CDKL5: variants seen among roughly 807,000 people sequenced by gnomAD.
The protein encoded by CDKL5 is cyclin dependent kinase like 5.
Under a neutral mutation model 61.7 loss-of-function variants are expected in CDKL5, and 8 were observed. The ratio of observed to expected loss-of-function variants is 0.13; its 90% CI spans 0.08 to 0.23. The LOEUF (loss-of-function observed/expected upper bound fraction) is 0.23, where lower values mean the gene tolerates loss of function less well. Ranked by LOEUF, CDKL5 falls within the 10% of genes least tolerant of loss-of-function variation. The pLI, the probability that CDKL5 is intolerant of heterozygous loss-of-function variation, is 1.00. For synonymous variants in CDKL5, 275 were observed against 272.3 expected, an observed-to-expected ratio of 1.01 and a Z score of -0.10; for missense variants, 440 against 734.5, an observed-to-expected ratio of 0.60 and a Z score of 4.63.
intron 1 of CDKL5, among the ~76,000 whole-genome samples, chrX:18,459,942 G>A (rs1027738139): frequency 1.9e-5 from 2 of 106,685 alleles, no homozygotes; most frequent in East Asian, 3.0e-4. Flanking sequence ...GCACGATCTC[G>A]GCTCACTGCA....
In CDKL5 at chrX:18,639,266, A is replaced by G. The variant is rs973287854; in HGVS notation, c.*10509A>G. ...AAAGATCCACAGAATGGGAGAAAAT[A>G]TTTGCAAATCATATCCAATAAGGGA... On this transcript the variant is annotated 3_prime_UTR_variant, in exon 18 of 18. Transcript: ENST00000623535. Among the ~76,000 whole-genome samples the G allele has an allele frequency of 8.9e-6, 1 of 112,552 alleles. No individual in the cohort carries two copies. The highest frequency in any genetic ancestry group is 3.6e-4 in the South Asian group (1 of 2,747).
chrX:18,597,117 A>G (rs1336321251), intron 10 of CDKL5, among the ~76,000 whole-genome samples: 1 of 110,383 alleles, frequency 9.1e-6, no homozygotes, highest in Non-Finnish European at 1.9e-5. Flanking sequence ...TCCAGGCTTT[A>G]TGCCACCCCA....
intron 4 of CDKL5, among the ~76,000 whole-genome samples, chrX:18,573,857 GCTTTTAT>G (rs896750776): frequency 8.9e-6 from 1 of 111,862 alleles, no homozygotes; most frequent in African/African-American, 3.3e-5. Flanking sequence ...CAAAGCCCTT[GCTTTTAT>G]GTCATTCCCT....
intron 3 of CDKL5, among the ~76,000 whole-genome samples, chrX:18,544,574 C>G (rs924122056): frequency 2.7e-5 from 3 of 111,704 alleles, no homozygotes; most frequent in Non-Finnish European, 5.6e-5. Context: ...GGTGGTAGAG[C>G]CAGGATTCAA....
intron 10 of CDKL5, among the ~76,000 whole-genome samples, chrX:18,597,738 G>A (rs1186736661): frequency 1.9e-5 from 2 of 107,662 alleles, no homozygotes; most frequent in East Asian, 2.9e-4. Flanking sequence ...CTGGGATTAC[G>A]GGCATGAGCC....
chrX:18,501,098 C>A (rs1922364933), intron 1 of CDKL5, among the ~76,000 whole-genome samples: 2 of 111,350 alleles, frequency 1.8e-5, no homozygotes, highest in Non-Finnish European at 3.8e-5. Context: ...GCCTCAGCCT[C>A]CCAAAGTGCT....
At chrX:18,461,621 T>C (rs1385493605) in intron 1 of CDKL5, among the ~76,000 whole-genome samples, 18 of 112,184 alleles carry the variant, frequency 1.6e-4, no homozygotes. Context: ...TGGGAATGAG[T>C]GTACTTTGCC....
intron 16 of CDKL5, among the ~76,000 whole-genome samples, chrX:18,623,233 T>C (rs189774645): frequency 8.9e-6 from 1 of 112,101 alleles, no homozygotes; most frequent in Admixed American, 9.5e-5. Context: ...CATTTAAATA[T>C]TGAAATTTCT....
Position 18,633,621 on chromosome X carries a change from C to T in CDKL5, c.*4864C>T, listed in dbSNP as rs1363536877. 1.3e-6 allele frequency: 1 copy of T among 753,348 alleles called. No homozygotes were observed. Among genetic ancestry groups the T allele is most frequent in the Non-Finnish European group, 1.6e-6 (1 of 639,174 alleles). The allele number at this position is 753,348 out of a possible 1,213,427, so 62.1% of individuals were successfully genotyped here. A position where few individuals can be genotyped will look rare whatever the true frequency, so the allele number is the denominator to read the frequency against. ...GAAACCATACAAGAAAAAGAAGTCCCTCATCTATCTGCATACACGCAATGT... is the reference window on the plus strand; with the variant it reads ...GAAACCATACAAGAAAAAGAAGTCCTTCATCTATCTGCATACACGCAATGT... On this transcript the variant is annotated 3_prime_UTR_variant, in exon 18 of 18. Coordinates refer to ENST00000623535, the MANE Select transcript of CDKL5 (RefSeq NM_001323289.2).
intron 1 of CDKL5, among the ~76,000 whole-genome samples, chrX:18,497,782 C>G (rs756763611): frequency 1.0e-4 from 11 of 109,686 alleles, no homozygotes; most frequent in Admixed American, 5.9e-4. Context: ...GTTGTGTTGT[C>G]TTGTCTAGCC....
chrX:18,576,907 A>T (rs1925317476), intron 5 of CDKL5, among the ~76,000 whole-genome samples: 1 of 107,351 alleles, frequency 9.3e-6, no homozygotes, highest in African/African-American at 3.4e-5. Flanking sequence ...CTTTTTAGAG[A>T]TGGTGTCTCA....
At chrX:18,646,211 GCA>G in intron 20 of CDKL5, 1 of 1,077,925 alleles carries the variant, frequency 9.3e-7, no homozygotes, top group Non-Finnish European at 1.3e-6. Context: ...GTGTGCAGTG[GCA>G]CACAATCTCG....
chrX:18,584,469 A>T, intron 8 of CDKL5, 116 bp downstream of exon 8: 1 of 536,850 alleles, frequency 1.9e-6, no homozygotes, highest in South Asian at 2.6e-5. Context: ...TGTCAGTTAC[A>T]TATTGCAGTA....
chrX:18,437,084 G>C (rs111293379), intron 1 of CDKL5, among the ~76,000 whole-genome samples: 1,218 of 110,137 alleles, frequency 0.011, 6 homozygotes, highest in Non-Finnish European at 0.019. Context: ...TTAAGGAGGG[G>C]TGTGACATGA....
chrX:18,598,640 A>G (rs1926086525), intron 11 of CDKL5, 27 bp downstream of exon 11: 1 of 1,183,871 alleles, frequency 8.4e-7, no homozygotes, highest in South Asian at 1.8e-5. Context: ...AAGGAAATAC[A>G]GATGCAGTGT....
chrX:18,611,221 G>A (rs1366467644), intron 14 of CDKL5, among the ~76,000 whole-genome samples: 1 of 110,492 alleles, frequency 9.1e-6, no homozygotes, highest in Non-Finnish European at 1.9e-5. Flanking sequence ...ACGAGGTCAG[G>A]AAATCGAGAC....
chrX:18,575,299 G>T, intron 4 of CDKL5, 55 bp from the exon 5 acceptor site: 1 of 1,117,857 alleles, frequency 8.9e-7, no homozygotes, highest in Admixed American at 2.2e-5. Context: ...GGAATTCTTT[G>T]AATAGTAGCT....
intron 1 of CDKL5, among the ~76,000 whole-genome samples, chrX:18,496,270 G>A (rs1922167787): frequency 8.9e-6 from 1 of 112,030 alleles, no homozygotes; most frequent in African/African-American, 3.2e-5. Context: ...CTTGGAGGAT[G>A]ATGTACATTG....
intron 3 of CDKL5, among the ~76,000 whole-genome samples, chrX:18,524,813 T>C (rs1157682595): frequency 8.9e-6 from 1 of 112,452 alleles, no homozygotes; most frequent in Non-Finnish European, 1.9e-5. Context: ...TCCTTTCTTT[T>C]GCATTTGGAC....
Sources: gnomAD v4.1 joint callset for allele counts (sites outside exome capture counted in the v4.1 genomes callset) on GRCh38, gnomAD v4.1.1 for gene constraint, MANE v1.5 for transcripts, NCBI Gene and HGNC (gene_info 2026-07-23, HGNC 2026-07-21) for gene names.